The following DPP4 variants were observed in gnomAD, a reference collection of about 807,000 sequenced individuals.
The protein encoded by DPP4 is ADCP-2.
DPP4 carries 93 observed loss-of-function variants against 122.4 expected under a neutral mutation model. The ratio of observed to expected loss-of-function variants is 0.76; its 90% confidence interval spans 0.64 to 0.90. The LOEUF is 0.90. Among genes scored for constraint, DPP4 ranks in the 40% least tolerant of loss-of-function variants. The pLI is 0.00. For synonymous variants in DPP4, 321 were observed against 302.9 expected (o/e 1.06, Z -0.62); for missense variants, 914 against 907.3 (o/e 1.01, Z -0.09).
Position 162,073,397 on chromosome 2 carries a change from AC to A in DPP4, c.94+1del, listed in dbSNP as rs1389651281. On this transcript the variant is annotated splice_donor_variant, in intron 2 of 25. Coordinates refer to ENST00000360534, the MANE Select transcript of DPP4 (RefSeq NM_001935.4). LOFTEE classifies it high-confidence loss of function. ...TATCTTTTTCAAATGTTTCAAACTT[AC>A]TGCCTTTGTTCAGCAGAACCACGGG... 1.2e-6 allele frequency: 2 copies of A among 1,613,916 alleles called. No homozygotes were observed. Among genetic ancestry groups the A allele is most frequent in the South Asian group, 1.1e-5 (1 of 91,062 alleles).
intron 2 of DPP4, among the ~76,000 whole-genome samples, chr2:162,065,515 C>T (rs747684949): frequency 6.6e-6 from 1 of 152,192 alleles, no homozygotes; most frequent in Admixed American, 6.5e-5. Context: ...AATGACAATA[C>T]AGTAATAAAA....
chr2:162,041,808 A>T (rs1683996868), intron 5 of DPP4, among the ~76,000 whole-genome samples: 1 of 152,228 alleles, frequency 6.6e-6, no homozygotes, highest in South Asian at 2.1e-4. Flanking sequence ...GTTTATAAAC[A>T]CTGGCAGCTA....
At chr2:161,993,421 T>C (rs749346774) in intron 25 of DPP4, 37 bp from the exon 26 acceptor site, 1 of 1,413,892 alleles carries the variant, frequency 7.1e-7, no homozygotes, top group Non-Finnish European at 9.9e-7. Flanking sequence ...AATTAGGAAG[T>C]CAGTACTCTT....
At position 162,047,809 on chromosome 2, in the gene DPP4, C is replaced by T. The variant is rs528571066; in HGVS notation, c.95-308G>A. 5.0e-4 allele frequency among the ~76,000 whole-genome samples: 76 copies of T among 152,184 alleles called. No individual in the cohort carries two copies. In the South Asian group the frequency reaches 6.6e-3, roughly 13 times the overall value. ...AGAATGTGAGTATATTTTCTAGAAG[C>T]TATATAAGAAACAAAATTTTAAGGT... On this transcript the variant is annotated intron_variant, in intron 2 of 25. Coordinates refer to ENST00000360534, the MANE Select transcript of DPP4 (RefSeq NM_001935.4).
At chr2:161,998,237 G>A (rs1028704771) in intron 23 of DPP4, among the ~76,000 whole-genome samples, 3 of 152,302 alleles carry the variant, frequency 2.0e-5, no homozygotes, top group East Asian at 1.9e-4. Flanking sequence ...ACAGTTTTGC[G>A]CAGCATTCAA....
chr2:162,053,126 C>T (rs1349612508), intron 2 of DPP4, among the ~76,000 whole-genome samples: 2 of 152,210 alleles, frequency 1.3e-5, no homozygotes, highest in Non-Finnish European at 2.9e-5. Context: ...CTGGCCTGAT[C>T]CTCCCCAGGT....
At chr2:162,002,425 G>T (rs1050873893) in intron 23 of DPP4, among the ~76,000 whole-genome samples, 1 of 152,098 alleles carries the variant, frequency 6.6e-6, no homozygotes, top group African/African-American at 2.4e-5. Flanking sequence ...AAATAGCCAC[G>T]TATCAGTGGC....
At position 162,074,012 on chromosome 2, in the gene DPP4, G is replaced by A. The variant is rs1309834998; in HGVS notation, c.-31C>T. ...GCGTCTCCTCGGAAGTGAGCGTTCA[G>A]AGAAGGAGCGCAGGCAGAAGTCACC... is the stretch of plus-strand genomic sequence containing the variant. On this transcript the variant is annotated 5_prime_UTR_variant, in exon 1 of 26. Transcript: ENST00000360534. 4 of 1,609,464 alleles carry A rather than the reference G, an allele frequency of 2.5e-6. No individual in the cohort carries two copies. The highest frequency in any genetic ancestry group is 1.7e-5 in the Admixed American group (1 of 59,414).
At chr2:162,060,529 C>A (rs1347976170) in intron 2 of DPP4, among the ~76,000 whole-genome samples, 1 of 152,072 alleles carries the variant, frequency 6.6e-6, no homozygotes, top group African/African-American at 2.4e-5. Context: ...TCCCTTTTTT[C>A]ATGTTCTCTA....
rs548497547 is a variant in DPP4, at chr2:161,996,877, G to A, written c.2053-1505C>T. On this transcript the variant is annotated intron_variant, in intron 23 of 25. Coordinates refer to ENST00000360534, the MANE Select transcript of DPP4 (RefSeq NM_001935.4). ...CCACAGTTTCAGGCATCCACTGGGG[G>A]TCTTGGAATGTATTCACCTTAAACA... Among the ~76,000 whole-genome samples, 114 of 152,244 alleles carry A rather than the reference G, an allele frequency of 7.5e-4. No homozygotes were observed. In the Middle Eastern group the frequency reaches 0.02, roughly 27 times the overall value.
chr2:162,036,856 C>A (rs1478382308), intron 8 of DPP4, among the ~76,000 whole-genome samples: 1 of 152,170 alleles, frequency 6.6e-6, no homozygotes, highest in Non-Finnish European at 1.5e-5. Context: ...GACTCCAAGT[C>A]ATGGTTTCTA....
rs201505503 is a variant in DPP4, at chr2:162,073,404, T to C, written c.89A>G (p.Lys30Arg). The part of the protein sequence containing the change: ...IITVPVVLLN[K>R]GTDDATADSR... ...TTCAAATGTTTCAAACTTACTGCCT[T>C]TGTTCAGCAGAACCACGGGCACGGT... is the stretch of plus-strand genomic sequence containing the variant. The change falls in exon 2 of 26, where the codon AAA (lysine) becomes AGA (arginine). Residue 30 changes from lysine (K) to arginine (R), a missense_variant. Physicochemically the swap from Lys to Arg is conservative, Grantham distance 26 (BLOSUM62 2). Transcript: ENST00000360534. The C allele has an allele frequency of 1.9e-6, 3 of 1,614,064 alleles. No homozygotes were observed. Among genetic ancestry groups the C allele is most frequent in the Non-Finnish European group, 2.5e-6 (3 of 1,180,016 alleles).
intron 2 of DPP4, among the ~76,000 whole-genome samples, chr2:162,059,393 G>A (rs546833613): frequency 1.1e-4 from 16 of 152,206 alleles, no homozygotes; most frequent in African/African-American, 3.4e-4. Context: ...CGTGAAATCC[G>A]AGGTGATGAT....
chr2:162,050,450 A>G (rs1214141792), intron 2 of DPP4, among the ~76,000 whole-genome samples: 6 of 152,180 alleles, frequency 3.9e-5, no homozygotes, highest in Non-Finnish European at 5.9e-5. Flanking sequence ...CCTTCTGCTC[A>G]TGATGGCTCC....
intron 11 of DPP4, among the ~76,000 whole-genome samples, chr2:162,023,360 A>T (rs1683207378): frequency 1.3e-5 from 2 of 152,210 alleles, no homozygotes; most frequent in Non-Finnish European, 2.9e-5. Context: ...CCATTGTGAT[A>T]GTCTTTTCTT....
intron 9 of DPP4, among the ~76,000 whole-genome samples, chr2:162,034,442 T>C (rs1354007455): frequency 6.6e-6 from 1 of 152,084 alleles, no homozygotes; most frequent in Non-Finnish European, 1.5e-5. Context: ...ATAAAGCAAA[T>C]TGAGTGAGTT....
At chr2:162,071,865 G>T (rs372614762) in intron 2 of DPP4, among the ~76,000 whole-genome samples, 1 of 152,154 alleles carries the variant, frequency 6.6e-6, no homozygotes, top group Non-Finnish European at 1.5e-5. Flanking sequence ...CTTTTCACTG[G>T]CCATCTCAAG....
intron 2 of DPP4, among the ~76,000 whole-genome samples, chr2:162,049,324 G>T (rs1316874634): frequency 2.0e-5 from 3 of 152,202 alleles, no homozygotes; most frequent in Non-Finnish European, 4.4e-5. Context: ...CATGTCCTTT[G>T]CAGGGACATG....
At position 162,068,242 on chromosome 2, in the gene DPP4, A is replaced by G. The variant is rs547217076; in HGVS notation, c.94+5157T>C. 2.0e-5 allele frequency among the ~76,000 whole-genome samples: 3 copies of G among 152,338 alleles called. No homozygotes were observed. In the East Asian group the frequency reaches 5.8e-4, roughly 29 times the overall value. The stretch of plus-strand genomic sequence containing the variant: ...TCAGGATACTTAACACATAGAGATT[A>G]GAAGCCATGAAATTATAATATCGCT... On this transcript the variant is annotated intron_variant, in intron 2 of 25. Coordinates refer to ENST00000360534, the MANE Select transcript of DPP4 (RefSeq NM_001935.4).
Sources: allele counts gnomAD v4.1 joint callset (sites outside exome capture counted in the v4.1 genomes callset), GRCh38; gene constraint gnomAD v4.1.1; transcripts MANE v1.5; gene names NCBI Gene and HGNC (gene_info 2026-07-23, HGNC 2026-07-21).